The following KCNN2 variants were observed in gnomAD, a reference collection of about 807,000 sequenced individuals.
KCNN2 encodes potassium calcium-activated channel subfamily N member 2.
Under a neutral mutation model 55.5 loss-of-function variants are expected in KCNN2, and 24 were observed. That is an observed-to-expected ratio of 0.43 (90% confidence interval 0.31 to 0.61). The LOEUF (loss-of-function observed/expected upper bound fraction) is 0.61, where lower values mean the gene tolerates loss of function less well. KCNN2 is among the 20% of genes least tolerant of loss of function. KCNN2 has a pLI of 0.08. For missense variants in KCNN2, 754 were observed against 853.6 expected (o/e 0.88, Z 1.45); for synonymous variants, 431 against 336.1 (o/e 1.28, Z -3.09).
intron 1 of KCNN2, among the ~76,000 whole-genome samples, chr5:114,078,839 T>C (rs1750737484): frequency 1.3e-5 from 2 of 152,232 alleles, no homozygotes; most frequent in South Asian, 4.1e-4. Context: ...CTAAACTTGA[T>C]ACATCATATT....
At chr5:114,145,645 C>A (rs2112510726) in intron 1 of KCNN2, among the ~76,000 whole-genome samples, 1 of 152,178 alleles carries the variant, frequency 6.6e-6, no homozygotes, top group East Asian at 1.9e-4. Context: ...TTGGGCAGGA[C>A]AACGATCATC....
intron 3 of KCNN2, among the ~76,000 whole-genome samples, chr5:114,421,879 A>G (rs1759481456): frequency 6.6e-6 from 1 of 152,158 alleles, no homozygotes; most frequent in African/African-American, 2.4e-5. Flanking sequence ...CAAAGTGTTT[A>G]CAGGTGTGAT....
chr5:114,262,896 A>G (rs1312889995), intron 2 of KCNN2, among the ~76,000 whole-genome samples: 1 of 152,214 alleles, frequency 6.6e-6, no homozygotes, highest in East Asian at 1.9e-4. Flanking sequence ...GATAATATCT[A>G]AATGTCCCAA....
intron 1 of KCNN2, among the ~76,000 whole-genome samples, chr5:114,088,644 G>A (rs1159717052): frequency 6.6e-6 from 1 of 151,872 alleles, no homozygotes; most frequent in Non-Finnish European, 1.5e-5. Flanking sequence ...TTTTGAGATG[G>A]AGTCTCGCTC....
chr5:114,436,707 A>G (rs1480771832), intron 3 of KCNN2, among the ~76,000 whole-genome samples: 1 of 152,218 alleles, frequency 6.6e-6, no homozygotes, highest in African/African-American at 2.4e-5. Context: ...GCATACAAGT[A>G]TGAAAGGGAA....
intron 2 of KCNN2, among the ~76,000 whole-genome samples, chr5:114,236,858 C>T (rs1754505249): frequency 6.6e-6 from 1 of 152,020 alleles, no homozygotes; most frequent in African/African-American, 2.4e-5. Context: ...GGATACTATG[C>T]TATACGTAAT....
upstream of KCNN2, among the ~76,000 whole-genome samples, chr5:114,360,725 AAAT>A (rs1441887614): frequency 3.3e-5 from 5 of 152,214 alleles, no homozygotes; most frequent in African/African-American, 9.6e-5. Context: ...GTAAATAAAT[AAAT>A]AATGATACCG....
chr5:114,153,040 T>G (rs1049450588), intron 1 of KCNN2, among the ~76,000 whole-genome samples: 9 of 151,988 alleles, frequency 5.9e-5, no homozygotes, highest in African/African-American at 9.7e-5. Context: ...GAGATAAGAT[T>G]TGGGGAGTGA....
rs897454335 is a variant in KCNN2, at chr5:114,496,435, C to G, written c.*253C>G. 2 of 402,486 alleles carry G rather than the reference C, an allele frequency of 5.0e-6. No individual in the cohort carries two copies. Among genetic ancestry groups the G allele is most frequent in the Non-Finnish European group, 8.8e-6 (2 of 227,572 alleles). 24.9% of individuals were successfully genotyped at this position (402,486 alleles called of 1,614,324 possible). On this transcript the variant is annotated 3_prime_UTR_variant, in exon 8 of 8. Transcript: ENST00000673685. ...TAATTTCACTAACTTTTTATTCATGCACTTCAAACAAACTTTACTACTACA... is the reference window on the plus strand; with the variant it reads ...TAATTTCACTAACTTTTTATTCATGGACTTCAAACAAACTTTACTACTACA...
chr5:114,333,401 T>A (rs1029618974), intron 2 of KCNN2, among the ~76,000 whole-genome samples: 1 of 152,238 alleles, frequency 6.6e-6, no homozygotes, highest in Admixed American at 6.5e-5. Flanking sequence ...AAGGTTATTT[T>A]AAAAATAATG....
chr5:114,265,153 T>G (rs1755184727), intron 2 of KCNN2, among the ~76,000 whole-genome samples: 1 of 152,156 alleles, frequency 6.6e-6, no homozygotes, highest in Non-Finnish European at 1.5e-5. Context: ...TCAGGGTAAG[T>G]AACTTTTCTA....
chr5:114,320,648 C>G (rs1756597746), intron 2 of KCNN2, among the ~76,000 whole-genome samples: 1 of 151,964 alleles, frequency 6.6e-6, no homozygotes. Context: ...CAATCCCAAG[C>G]CCCTCCCTCT....
intron 3 of KCNN2, among the ~76,000 whole-genome samples, chr5:114,421,767 G>C (rs1479490475): frequency 6.6e-6 from 1 of 151,830 alleles, no homozygotes; most frequent in Non-Finnish European, 1.5e-5. Context: ...CCGCCACCAT[G>C]CCCAGCTAAT....
chr5:114,368,578 T>G (rs1757672515), intron 2 of KCNN2, among the ~76,000 whole-genome samples: 1 of 152,152 alleles, frequency 6.6e-6, no homozygotes, highest in Non-Finnish European at 1.5e-5. Flanking sequence ...CTTTGCTACT[T>G]CTACAGAGAG....
intron 1 of KCNN2, among the ~76,000 whole-genome samples, chr5:114,176,041 A>G (rs910525645): frequency 2.6e-5 from 4 of 152,186 alleles, no homozygotes; most frequent in African/African-American, 9.7e-5. Flanking sequence ...TTGTTGCCTG[A>G]TAATTTCTCA....
chr5:114,176,727 A>G (rs182059798), intron 1 of KCNN2, among the ~76,000 whole-genome samples: 1 of 152,328 alleles, frequency 6.6e-6, no homozygotes, highest in East Asian at 1.9e-4. Context: ...TCCAAAGAGC[A>G]TTTGAGAAGC....
At chr5:114,279,531 A>G (rs1485623739) in intron 2 of KCNN2, among the ~76,000 whole-genome samples, 1 of 152,036 alleles carries the variant, frequency 6.6e-6, no homozygotes, top group Admixed American at 6.6e-5. Context: ...GTTCCCACCT[A>G]TGAGTGAGAA....
chr5:114,353,218 GGTT>G (rs1757243202), intron 2 of KCNN2, among the ~76,000 whole-genome samples: 8 of 151,286 alleles, frequency 5.3e-5, no homozygotes, highest in African/African-American at 1.9e-4. Context: ...ATACTTATAT[GGTT>G]GTTGTTTGCA....
chr5:114,384,502 C>G (rs181698356), intron 2 of KCNN2, among the ~76,000 whole-genome samples: 51 of 152,128 alleles, frequency 3.4e-4, no homozygotes, highest in Admixed American at 8.5e-4. Context: ...TTAGTCTGTG[C>G]CGTAAGTGTG....
Sources: allele counts gnomAD v4.1 joint callset (sites outside exome capture counted in the v4.1 genomes callset), GRCh38; gene constraint gnomAD v4.1.1; transcripts MANE v1.5; gene names NCBI Gene and HGNC (gene_info 2026-07-23, HGNC 2026-07-21).